SBSPON: variants seen among roughly 807,000 people sequenced by gnomAD.
SBSPON encodes the protein somatomedin B and thrombospondin type 1 domain containing, also known as somatomedin-B and thrombospondin type-1 domain-containing protein.
Under a neutral mutation model 35.8 loss-of-function variants are expected in SBSPON, and 30 were observed. The observed-to-expected ratio is 0.84, with a 90% confidence interval of 0.63 to 1.14. The LOEUF (loss-of-function observed/expected upper bound fraction) is 1.14. Among genes scored for constraint, SBSPON ranks in the 50% most tolerant of loss-of-function variants. The pLI, the probability that SBSPON is intolerant of heterozygous loss-of-function variation, is 0.00. For synonymous variants in SBSPON, 136 were observed against 135.9 expected (o/e 1.00, Z 0.00); for missense variants, 364 against 357.7 (o/e 1.02, Z -0.14).
chr8:73,074,558 A>G (rs1810555195), intron 2 of SBSPON: 2 of 983,646 alleles, frequency 2.0e-6, no homozygotes, highest in South Asian at 9.4e-5. Context: ...TCCGAAATCA[A>G]ACTCCTCAGG....
chr8:73,092,667 A>G (rs1370157976), intron 1 of SBSPON, among the ~76,000 whole-genome samples, 187 bp downstream of exon 1: 1 of 151,888 alleles, frequency 6.6e-6, no homozygotes, highest in African/African-American at 2.4e-5. Flanking sequence ...GATGTCTAGC[A>G]GGGGACTGGG....
intron 2 of SBSPON, among the ~76,000 whole-genome samples, chr8:73,077,488 C>T (rs16938562): frequency 0.024 from 3,581 of 152,310 alleles, 130 homozygotes; most frequent in African/African-American, 0.08. Flanking sequence ...CATGCTCCCA[C>T]GCCAACCTAT....
chr8:73,086,855 A>G (rs1416682651), intron 1 of SBSPON, among the ~76,000 whole-genome samples: 1 of 152,158 alleles, frequency 6.6e-6, no homozygotes, highest in Non-Finnish European at 1.5e-5. Flanking sequence ...GTATTTTCCA[A>G]ATTTTCTGCA....
At position 73,081,216 on chromosome 8, in the gene SBSPON, GA is replaced by G; in HGVS notation, c.215-4del. 2 of 1,573,660 alleles carry G rather than the reference GA, an allele frequency of 1.3e-6. No individual in the cohort carries two copies. The highest frequency in any genetic ancestry group is 1.4e-5 in the African/African-American group (1 of 73,838). On this transcript the variant is annotated splice_region_variant and splice_polypyrimidine_tract_variant and intron_variant, in intron 1 of 4. Coordinates refer to ENST00000297354, the MANE Select transcript of SBSPON (RefSeq NM_153225.4). ...TTCCCCCACGAAGCACGGGCGAGCT[GA>G]AAAACAGCACAATAGGACGCTCACC...
chr8:73,077,068 A>C (rs1810607192), intron 2 of SBSPON, among the ~76,000 whole-genome samples: 1 of 152,060 alleles, frequency 6.6e-6, no homozygotes, highest in African/African-American at 2.4e-5. Flanking sequence ...CACCACACCC[A>C]GCTAATATTT....
At chr8:73,089,518 T>C (rs1157623633) in intron 1 of SBSPON, among the ~76,000 whole-genome samples, 3 of 149,866 alleles carry the variant, frequency 2.0e-5, no homozygotes, top group Admixed American at 6.6e-5. Flanking sequence ...ATCACGCCAG[T>C]GTACTCCAGC....
intron 4 of SBSPON, 26 bp from the exon 5 acceptor site, chr8:73,067,484 G>C: frequency 7.3e-7 from 1 of 1,368,594 alleles, no homozygotes; most frequent in Non-Finnish European, 1.0e-6. Context: ...GAAAGTGTTA[G>C]TTACACTAAA....
rs1391445130 is a variant in SBSPON, at chr8:73,065,622, A to C, written c.*1719T>G. 3 of 150,096 alleles carry C rather than the reference A, an allele frequency of 2.0e-5. No individual in the cohort carries two copies. The highest frequency in any genetic ancestry group is 3.9e-4 in the East Asian group (2 of 5,136). The allele number at this position is 150,096 out of a possible 1,614,324, so 9.3% of individuals were successfully genotyped here. A position where few individuals can be genotyped will look rare whatever the true frequency, so the allele number is the denominator to read the frequency against. On this transcript the variant is annotated 3_prime_UTR_variant, in exon 5 of 5. Coordinates refer to ENST00000297354, the MANE Select transcript of SBSPON (RefSeq NM_153225.4). ...AACCCTGTCTCTACTAAAAAAAAAA[A>C]ACAAAAAATTAGCCAGGCGTGATGA...
intron 2 of SBSPON, among the ~76,000 whole-genome samples, chr8:73,074,046 TAA>T: frequency 6.6e-6 from 1 of 152,342 alleles, no homozygotes; most frequent in East Asian, 1.9e-4. Flanking sequence ...CACAAACATC[TAA>T]AGGATTTAAT....
At chr8:73,081,641 C>CAA (rs34175944) in intron 1 of SBSPON, among the ~76,000 whole-genome samples, 11 of 144,722 alleles carry the variant, frequency 7.6e-5, no homozygotes, top group South Asian at 2.3e-4. Context: ...ACATAAACAA[C>CAA]AAAAAAAAAA....
chr8:73,088,726 A>T (rs1563492156), intron 1 of SBSPON, among the ~76,000 whole-genome samples: 1 of 152,326 alleles, frequency 6.6e-6, no homozygotes, highest in East Asian at 1.9e-4. Context: ...AAGAGGCAGA[A>T]TGGTTCTATG....
Position 73,067,285 on chromosome 8 carries a change from G to T in SBSPON, c.*56C>A. 9.3e-7 allele frequency: 1 copy of T among 1,071,330 alleles called. No individual in the cohort carries two copies. Among genetic ancestry groups the T allele is most frequent in the South Asian group, 1.3e-5 (1 of 78,564 alleles). The allele number at this position is 1,071,330 out of a possible 1,614,324, so 66.4% of individuals were successfully genotyped here. On this transcript the variant is annotated 3_prime_UTR_variant, in exon 5 of 5. Transcript: ENST00000297354. ...TGAAGGTTTAGGAAACATTGAACAT[G>T]ACTTGAGAATATTTAGAATGTTTAC...
chr8:73,066,216 G>T lies in SBSPON; in HGVS notation c.*1125C>A, dbSNP rs1810385360. ...AAAATTTACTTCACAAATGAAAGGG[G>T]CTTAGCTTTTCCAGCACAGTGTTTG... On this transcript the variant is annotated 3_prime_UTR_variant, in exon 5 of 5. Coordinates refer to ENST00000297354, the MANE Select transcript of SBSPON (RefSeq NM_153225.4). 1 of 152,040 alleles carries T rather than the reference G, an allele frequency of 6.6e-6. No individual in the cohort carries two copies. The highest frequency in any genetic ancestry group is 2.1e-4 in the South Asian group (1 of 4,822). The allele number at this position is 152,040 out of a possible 1,614,324, so 9.4% of individuals were successfully genotyped here. A position where few individuals can be genotyped will look rare whatever the true frequency, so the allele number is the denominator to read the frequency against.
In SBSPON at chr8:73,079,697, C is replaced by T. The variant is rs73687083; in HGVS notation, c.409+1322G>A. ...ATCACCTGATTACACCCGCTGAGAG[C>T]TCCCTGCACCTCTCACTCGTTTGCT... On this transcript the variant is annotated intron_variant, in intron 2 of 4. Coordinates refer to ENST00000297354, the MANE Select transcript of SBSPON (RefSeq NM_153225.4). Among the ~76,000 whole-genome samples the T allele has an allele frequency of 6.5e-3, 993 of 152,248 alleles. 9 individuals are homozygous for T. The highest frequency in any genetic ancestry group is 0.022 in the African/African-American group (914 of 41,534).
chr8:73,067,220 A>G lies in SBSPON; in HGVS notation c.*121T>C. 1 of 588,158 alleles carries G rather than the reference A, an allele frequency of 1.7e-6. No individual in the cohort carries two copies. Among genetic ancestry groups the G allele is most frequent in the South Asian group, 2.2e-5 (1 of 46,310 alleles). 36.4% of individuals were successfully genotyped at this position (588,158 alleles called of 1,614,324 possible). A position where few individuals can be genotyped will look rare whatever the true frequency, so the allele number is the denominator to read the frequency against. Reference sequence around the variant, plus strand: ...CCCCTAAATTTTCTTTCTCTACTTCAGAGTGTGGCAATGATGTGTTTGGGG... The same window carrying G: ...CCCCTAAATTTTCTTTCTCTACTTCGGAGTGTGGCAATGATGTGTTTGGGG... On this transcript the variant is annotated 3_prime_UTR_variant, in exon 5 of 5. Coordinates refer to ENST00000297354, the MANE Select transcript of SBSPON (RefSeq NM_153225.4).
At chr8:73,086,940 C>G (rs923797507) in intron 1 of SBSPON, among the ~76,000 whole-genome samples, 9 of 152,170 alleles carry the variant, frequency 5.9e-5, no homozygotes, top group African/African-American at 2.2e-4. Flanking sequence ...GATGGCGGTG[C>G]CGTCTGAAGC....
In SBSPON at chr8:73,079,229, C is replaced by T. The variant is rs1328232648; in HGVS notation, c.409+1790G>A. ...TATCAGACCCCAAGATGCTGCTGCC[C>T]TTCTGAGGTCTCTGACCAAAAGACT... On this transcript the variant is annotated intron_variant, in intron 2 of 4. Coordinates refer to ENST00000297354, the MANE Select transcript of SBSPON (RefSeq NM_153225.4). Among the ~76,000 whole-genome samples, 3 of 152,096 alleles carry T rather than the reference C, an allele frequency of 2.0e-5. 1 individual carries two copies. Among genetic ancestry groups the T allele is most frequent in the Admixed American group, 2.0e-4 (3 of 15,272 alleles).
chr8:73,075,783 A>T, intron 2 of SBSPON: 1 of 953,968 alleles, frequency 1.0e-6, no homozygotes, highest in Non-Finnish European at 1.2e-6. Flanking sequence ...ATTGACAAAT[A>T]ATATCTACCT....
intron 3 of SBSPON, among the ~76,000 whole-genome samples, chr8:73,070,271 C>T (rs1810469392): frequency 1.3e-5 from 2 of 152,196 alleles, no homozygotes; most frequent in Non-Finnish European, 1.5e-5. Flanking sequence ...CCTGTCTAAT[C>T]AGATCACTAA....
Sources: gnomAD v4.1 joint callset for allele counts (sites outside exome capture counted in the v4.1 genomes callset) on GRCh38, gnomAD v4.1.1 for gene constraint, MANE v1.5 for transcripts, NCBI Gene and HGNC (gene_info 2026-07-23, HGNC 2026-07-21) for gene names.